Variants in MACROD2 observed in about 807,000 individuals in gnomAD.
MACROD2 encodes ADP-ribose glycohydrolase MACROD2.
In MACROD2, 36 loss-of-function variants were observed where a neutral mutation model predicts 70.4. The ratio of observed to expected loss-of-function variants is 0.51; its 90% CI spans 0.39 to 0.68. The LOEUF is 0.68. Ranked by LOEUF, MACROD2 falls within the 30% of genes least tolerant of loss-of-function variation. The pLI is 0.00. For synonymous variants in MACROD2, 172 were observed against 178.8 expected (o/e 0.96, Z 0.30); for missense variants, 496 against 538.4 (o/e 0.92, Z 0.78).
rs74392960 is a variant in MACROD2, at chr20:15,670,189, G to A, written c.645+170342G>A. On this transcript the variant is annotated intron_variant, in intron 8 of 17. Transcript: ENST00000684519. Reference sequence around the variant, plus strand: ...TTGGAAAGGTTAAAACGAAGGAATCGGAAAGCAACAGTTAAATAGAGTTAA... The same window carrying A: ...TTGGAAAGGTTAAAACGAAGGAATCAGAAAGCAACAGTTAAATAGAGTTAA... 5.5e-3 allele frequency among the ~76,000 whole-genome samples: 833 copies of A among 152,252 alleles called. 11 individuals are homozygous for A. The highest frequency in any genetic ancestry group is 0.018 in the African/African-American group (766 of 41,544).
chr20:15,210,552 G>GTTTTTTTTTTTTTTTTT (rs11333280), intron 5 of MACROD2, among the ~76,000 whole-genome samples: 4 of 121,648 alleles, frequency 3.3e-5, no homozygotes, highest in African/African-American at 9.6e-5. Context: ...CTTTTCTTCT[G>GTTTTTTTTTTTTTTTTT]TTTTTTTTTT....
At chr20:14,231,384 C>G (rs1011131189) in intron 3 of MACROD2, among the ~76,000 whole-genome samples, 9 of 151,886 alleles carry the variant, frequency 5.9e-5, no homozygotes, top group African/African-American at 2.2e-4. Flanking sequence ...TGAGAATGTG[C>G]GGTGTTTGGT....
intron 2 of MACROD2, among the ~76,000 whole-genome samples, chr20:14,007,749 A>G (rs1419342169): frequency 6.6e-6 from 1 of 152,110 alleles, no homozygotes; most frequent in Admixed American, 6.6e-5. Context: ...TTATTGTTAC[A>G]CTTTTTGGAT....
intron 5 of MACROD2, among the ~76,000 whole-genome samples, chr20:14,735,378 G>A (rs1600603990): frequency 6.6e-6 from 1 of 152,150 alleles, no homozygotes; most frequent in East Asian, 1.9e-4. Context: ...AGCACATGAA[G>A]CACATGAACA....
intron 2 of MACROD2, among the ~76,000 whole-genome samples, chr20:14,069,640 C>T (rs905050144): frequency 3.4e-5 from 5 of 146,924 alleles, no homozygotes; most frequent in African/African-American, 5.1e-5. Context: ...TAAATATTTG[C>T]ACATCAAGCA....
intron 3 of MACROD2, among the ~76,000 whole-genome samples, chr20:14,157,135 G>T (rs1166821861): frequency 6.6e-6 from 1 of 152,156 alleles, no homozygotes; most frequent in African/African-American, 2.4e-5. Context: ...AAAAAACTGA[G>T]AATGGAGCAA....
chr20:15,120,052 C>T (rs999239218), intron 5 of MACROD2, among the ~76,000 whole-genome samples: 4 of 152,176 alleles, frequency 2.6e-5, no homozygotes, highest in East Asian at 1.9e-4. Flanking sequence ...GATCAGTAAA[C>T]GCTAATAAAG....
intron 8 of MACROD2, among the ~76,000 whole-genome samples, chr20:15,842,284 T>C (rs2064179699): frequency 6.6e-6 from 1 of 152,060 alleles, no homozygotes; most frequent in African/African-American, 2.4e-5. Flanking sequence ...TATACACTGA[T>C]GGAGCTGTTG....
chr20:15,645,527 A>T (rs1199868483), intron 8 of MACROD2, among the ~76,000 whole-genome samples: 28 of 152,202 alleles, frequency 1.8e-4, no homozygotes, highest in Admixed American at 1.8e-3. Flanking sequence ...CTCATCTTGC[A>T]TGTGAGCACT....
At chr20:14,001,394 A>G (rs1473214143) in intron 1 of MACROD2, among the ~76,000 whole-genome samples, 5 of 152,146 alleles carry the variant, frequency 3.3e-5, no homozygotes. Flanking sequence ...AGATATATAT[A>G]TTTAAAGCAA....
At chr20:14,490,643 A>G (rs968973002) in intron 3 of MACROD2, among the ~76,000 whole-genome samples, 1 of 152,152 alleles carries the variant, frequency 6.6e-6, no homozygotes, top group South Asian at 2.1e-4. Context: ...ATGAACTTCA[A>G]GTTTTCTTTG....
At chr20:14,692,029 C>T (rs1600546810) in intron 5 of MACROD2, among the ~76,000 whole-genome samples, 1 of 152,124 alleles carries the variant, frequency 6.6e-6, no homozygotes, top group South Asian at 2.1e-4. Context: ...ATTTAATCTC[C>T]TTAGTGATCC....
intron 8 of MACROD2, among the ~76,000 whole-genome samples, chr20:15,852,222 A>C (rs2064307452): frequency 6.6e-6 from 1 of 152,190 alleles, no homozygotes; most frequent in Non-Finnish European, 1.5e-5. Context: ...CTCAAGCCAA[A>C]ATAACTCTTG....
chr20:14,289,823 G>T (rs201709374), intron 3 of MACROD2, among the ~76,000 whole-genome samples: 5 of 152,240 alleles, frequency 3.3e-5, no homozygotes, highest in East Asian at 3.9e-4. Context: ...TTACAGGTGT[G>T]TGCCACCATG....
intron 5 of MACROD2, among the ~76,000 whole-genome samples, chr20:14,880,075 A>G (rs2073593810): frequency 6.6e-6 from 1 of 152,152 alleles, no homozygotes; most frequent in East Asian, 1.9e-4. Context: ...GGTGGAAAGC[A>G]GAACAATGGA....
At chr20:15,741,522 C>T (rs1568535200) in intron 8 of MACROD2, among the ~76,000 whole-genome samples, 1 of 152,066 alleles carries the variant, frequency 6.6e-6, no homozygotes, top group African/African-American at 2.4e-5. Flanking sequence ...GCTGTTTTTA[C>T]AGTATGGAAC....
intron 4 of MACROD2, among the ~76,000 whole-genome samples, chr20:14,607,175 T>G (rs1204272066): frequency 1.3e-5 from 2 of 152,144 alleles, no homozygotes; most frequent in Non-Finnish European, 2.9e-5. Context: ...AGAAGAGAAC[T>G]CAGCAGCAAG....
intron 3 of MACROD2, among the ~76,000 whole-genome samples, chr20:14,208,627 G>A (rs2081545213): frequency 6.6e-6 from 1 of 152,146 alleles, no homozygotes. Context: ...AGCTGATTTG[G>A]CTTCTGTTTT....
chr20:15,615,960 T>C (rs1044856867), intron 8 of MACROD2, among the ~76,000 whole-genome samples: 1 of 152,086 alleles, frequency 6.6e-6, no homozygotes, highest in Non-Finnish European at 1.5e-5. Context: ...CTAAATGAAA[T>C]AAATAAGCTG....
Sources: gnomAD v4.1 joint callset for allele counts (sites outside exome capture counted in the v4.1 genomes callset) on GRCh38, gnomAD v4.1.1 for gene constraint, MANE v1.5 for transcripts, NCBI Gene and HGNC (gene_info 2026-07-23, HGNC 2026-07-21) for gene names.